The following SUGP2 variants were observed in gnomAD, a reference collection of about 807,000 sequenced individuals.
SUGP2 encodes the protein SURP and G-patch domain containing 2, also known as SURP and G-patch domain-containing protein 2.
A neutral mutation model predicts 90.5 loss-of-function variants in SUGP2; 24 were observed. The ratio of observed to expected loss-of-function variants is 0.27; its 90% CI spans 0.19 to 0.37. The LOEUF (loss-of-function observed/expected upper bound fraction) is 0.37, where lower values mean the gene tolerates loss of function less well. Among genes scored for constraint, SUGP2 ranks in the 10% least tolerant of loss-of-function variants. The probability of loss-of-function intolerance (pLI) is 1.00; values close to 1 mark genes in which losing one functional copy is unlikely to be tolerated. For missense variants in SUGP2, 1,233 were observed against 1,363.3 expected, an observed-to-expected ratio of 0.90 and a Z score of 1.51; for synonymous variants, 473 against 513.4, an observed-to-expected ratio of 0.92 and a Z score of 1.06.
chr19:19,013,038 AT>A (rs551948100), intron 4 of SUGP2, among the ~76,000 whole-genome samples: 3 of 151,632 alleles, frequency 2.0e-5, no homozygotes, highest in African/African-American at 7.3e-5. Context: ...TAATTTTCGA[AT>A]TTTTTTTAGC....
In SUGP2 at chr19:19,025,614, A is replaced by T; in HGVS notation, c.734T>A (p.Val245Asp). ...LTAKGGVGKL[V>D]TLRNVSTKKI... ...TTTTGTGCTCACATTTCTCAATGTGACAAGTTTCCCAACACCCCCCTTAGC... is the reference window on the plus strand; with the variant it reads ...TTTTGTGCTCACATTTCTCAATGTGTCAAGTTTCCCAACACCCCCCTTAGC... Residue 245 changes from valine to aspartate, a missense_variant, in exon 3 of 11, where the codon GTC becomes GAC. By Grantham distance (152) the Val-to-Asp change is radical. Coordinates refer to ENST00000452918, the MANE Select transcript of SUGP2 (RefSeq NM_001017392.5). The T allele has an allele frequency of 1.9e-6, 3 of 1,613,936 alleles. No individual in the cohort carries two copies. Among genetic ancestry groups the T allele is most frequent in the Non-Finnish European group, 2.5e-6 (3 of 1,180,000 alleles).
Position 19,004,407 on chromosome 19 carries a change from T to C in SUGP2, c.2690A>G (p.Glu897Gly). Reference protein sequence around the residue: ...SPEVMPEEEDEDDEDGGEEAP... With the variant: ...SPEVMPEEEDGDDEDGGEEAP... ...CTCCTCTCCCCCATCCTCATCGTCC[T>C]CGTCCTCCTCCTCAGGCATCACCTC... Residue 897 changes from glutamate (E) to glycine (G), a missense_variant, in exon 7 of 11, where the codon GAG (glutamate) becomes GGG (glycine). This residue lies in a region of SUGP2 where 540 missense variants were observed against 542.6 expected (regional missense o/e 1.00). Transcript: ENST00000452918. 1.2e-6 allele frequency: 2 copies of C among 1,614,124 alleles called. No individual in the cohort carries two copies. Among genetic ancestry groups the C allele is most frequent in the Non-Finnish European group, 1.7e-6 (2 of 1,180,014 alleles).
At chr19:19,027,661 G>T (rs947806596) in intron 2 of SUGP2, among the ~76,000 whole-genome samples, 1 of 150,432 alleles carries the variant, frequency 6.6e-6, no homozygotes, top group Non-Finnish European at 1.5e-5. Context: ...ACAGAGTCTC[G>T]CTCTGTTGCC....
intron 3 of SUGP2, among the ~76,000 whole-genome samples, chr19:19,022,042 T>C (rs963545588): frequency 1.3e-5 from 2 of 152,066 alleles, no homozygotes; most frequent in Non-Finnish European, 2.9e-5. Flanking sequence ...TGGAGAGCAG[T>C]GGCAAGATCT....
In SUGP2 at chr19:19,026,053, C is replaced by T. The variant is rs1397028143; in HGVS notation, c.295G>A (p.Asp99Asn). The T allele has an allele frequency of 1.2e-6, 2 of 1,613,960 alleles. No homozygotes were observed. The highest frequency in any genetic ancestry group is 1.7e-6 in the Non-Finnish European group (2 of 1,180,026). Residue 99 changes from aspartate (D) to asparagine (N), a missense_variant, in exon 3 of 11, where the codon GAT (aspartate) becomes AAT (asparagine). Asp to Asn is a conservative substitution (Grantham distance 23). Around this residue, in one of 8 missense-constraint regions of SUGP2, gnomAD observed 418 missense variants for 399.9 expected, o/e 1.05. Coordinates refer to ENST00000452918, the MANE Select transcript of SUGP2 (RefSeq NM_001017392.5). ...CATTCTTTGCGAAAGTAGCTGTCAT[C>T]ACTGATGGAAGGGTTGCTTGATCTG... ...SFRSSNPSISDDSYFRKECGR... is the reference protein window; with the variant it reads ...SFRSSNPSISNDSYFRKECGR...
Position 19,033,454 on chromosome 19 carries a change from CG to C in SUGP2, c.-30del. The C allele has an allele frequency of 7.2e-7, 1 of 1,395,050 alleles. No homozygotes were observed. The highest frequency in any genetic ancestry group is 9.3e-7 in the Non-Finnish European group (1 of 1,074,100). The allele number at this position is 1,395,050 out of a possible 1,614,324, so 86.4% of individuals were successfully genotyped here. The stretch of plus-strand genomic sequence containing the variant: ...GGCCTCACCCCGAGACCACCGCGCG[CG>C]GAGCCACCCCCGCCGCCGCCTCAGG... On this transcript the variant is annotated 5_prime_UTR_variant, in exon 1 of 11. Coordinates refer to ENST00000452918, the MANE Select transcript of SUGP2 (RefSeq NM_001017392.5).
At chr19:19,015,567 G>A (rs1176408714) in intron 4 of SUGP2, among the ~76,000 whole-genome samples, 4 of 152,084 alleles carry the variant, frequency 2.6e-5, no homozygotes, top group African/African-American at 7.2e-5. Context: ...GCAGTGGTGC[G>A]ATCTTGGCTC....
In SUGP2 at chr19:19,009,974, T is replaced by C; in HGVS notation, c.2219A>G (p.Asp740Gly). 1 of 1,614,084 alleles carries C rather than the reference T, an allele frequency of 6.2e-7. No homozygotes were observed. Among genetic ancestry groups the C allele is most frequent in the Non-Finnish European group, 8.5e-7 (1 of 1,180,008 alleles). Reference protein sequence around the residue: ...RNDAAKDCPPDPVGPSPQDPS... With the variant: ...RNDAAKDCPPGPVGPSPQDPS... ...GTCCTGAGGAGAAGGTCCAACTGGG[T>C]CTGGCGGGCAGTCCTTGGCAGCATC... Residue 740 changes from aspartate (D) to glycine (G), a missense_variant, in exon 5 of 11, where the codon GAC becomes GGC. Asp to Gly is a moderately conservative substitution (Grantham distance 94). Coordinates refer to ENST00000452918, the MANE Select transcript of SUGP2 (RefSeq NM_001017392.5).
intron 2 of SUGP2, among the ~76,000 whole-genome samples, chr19:19,027,211 G>C (rs2058970408): frequency 6.6e-6 from 1 of 152,134 alleles, no homozygotes. Flanking sequence ...GTGAACTACG[G>C]GCATATGAGA....
chr19:19,006,614 A>G (rs1021307508), intron 6 of SUGP2, among the ~76,000 whole-genome samples: 11 of 152,226 alleles, frequency 7.2e-5, no homozygotes, highest in Non-Finnish European at 1.6e-4. Context: ...AAAAGGACTC[A>G]TGGGATGCCC....
At chr19:19,030,548 A>G (rs2059114085) in intron 2 of SUGP2, among the ~76,000 whole-genome samples, 1 of 152,090 alleles carries the variant, frequency 6.6e-6, no homozygotes, top group Non-Finnish European at 1.5e-5. Context: ...ACAATAAACA[A>G]AACTGTCTTG....
intron 4 of SUGP2, among the ~76,000 whole-genome samples, chr19:19,015,525 A>T (rs576393112): frequency 1.1e-4 from 17 of 152,078 alleles, no homozygotes; most frequent in African/African-American, 4.1e-4. Flanking sequence ...TTTTTGAGAC[A>T]GAGTCATGCT....
chr19:19,031,630 G>C (rs1041836546), intron 1 of SUGP2, among the ~76,000 whole-genome samples: 1 of 152,048 alleles, frequency 6.6e-6, no homozygotes, highest in Non-Finnish European at 1.5e-5. Context: ...TTGAACCAGG[G>C]AGACAGAGGT....
At chr19:19,020,626 C>T (rs1159853344) in intron 3 of SUGP2, among the ~76,000 whole-genome samples, 1 of 151,184 alleles carries the variant, frequency 6.6e-6, no homozygotes, top group East Asian at 2.0e-4. Flanking sequence ...TTTGTACAGA[C>T]GAGGCTTCAC....
chr19:19,000,460 C>T (rs1283835380), intron 8 of SUGP2, among the ~76,000 whole-genome samples: 1 of 152,222 alleles, frequency 6.6e-6, no homozygotes, highest in Non-Finnish European at 1.5e-5. Context: ...GGACCTGGCA[C>T]GTAGGAGGTG....
chr19:19,004,058 T>C (rs2057955615), intron 7 of SUGP2, 110 bp downstream of exon 7: 1 of 826,702 alleles, frequency 1.2e-6, no homozygotes, highest in Non-Finnish European at 1.9e-6. Context: ...TTTGGAGTGG[T>C]GCACAAAACT....
rs1316999618 is a variant in SUGP2, at chr19:18,991,464, T to C, written c.*2277A>G. 6.6e-6 allele frequency: 1 copy of C among 152,228 alleles called. No homozygotes were observed. Among genetic ancestry groups the C allele is most frequent in the African/African-American group, 2.4e-5 (1 of 41,418 alleles). The allele number at this position is 152,228 out of a possible 1,614,324, so 9.4% of individuals were successfully genotyped here. A position where few individuals can be genotyped will look rare whatever the true frequency, so the allele number is the denominator to read the frequency against. ...GTGCCCTTTGACCCCTGCCAAGGACTCACAGAACCATCTCAGCTCAAACTT... is the reference window on the plus strand; with the variant it reads ...GTGCCCTTTGACCCCTGCCAAGGACCCACAGAACCATCTCAGCTCAAACTT... On this transcript the variant is annotated 3_prime_UTR_variant, in exon 11 of 11. Coordinates refer to ENST00000452918, the MANE Select transcript of SUGP2 (RefSeq NM_001017392.5).
At chr19:19,009,806 G>C (rs771461821) in intron 5 of SUGP2, 49 bp downstream of exon 5, 129 of 1,543,948 alleles carry the variant, frequency 8.4e-5, no homozygotes, top group Non-Finnish European at 1.1e-4. Context: ...CTGGAGATGG[G>C]AGAGTAGGGA....
rs549071840 is a variant in SUGP2, at chr19:19,033,467, G to T, written c.-42C>A. 1.3e-5 allele frequency: 18 copies of T among 1,400,404 alleles called. 1 individual carries two copies. The African/African-American group carries it at 2.3e-4, about 18-fold the overall frequency. The allele number at this position is 1,400,404 out of a possible 1,614,324, so 86.7% of individuals were successfully genotyped here. ...GACCACCGCGCGCGGAGCCACCCCC[G>T]CCGCCGCCTCAGGCTCCTCACCCGC... On this transcript the variant is annotated 5_prime_UTR_variant, in exon 1 of 11. Coordinates refer to ENST00000452918, the MANE Select transcript of SUGP2 (RefSeq NM_001017392.5).
Sources: gnomAD v4.1 joint callset for allele counts (sites outside exome capture counted in the v4.1 genomes callset) on GRCh38, gnomAD v4.1.1 for gene constraint, gnomAD v4.1.1 regional missense constraint, MANE v1.5 for transcripts, NCBI Gene and HGNC (gene_info 2026-07-23, HGNC 2026-07-21) for gene names.